PCDH11X: variants seen among roughly 807,000 people sequenced by gnomAD.
PCDH11X encodes the protein protocadherin-11 X-linked.
A neutral mutation model predicts 53.3 loss-of-function variants in PCDH11X; 18 were observed. The observed-to-expected ratio is 0.34, with a 90% CI of 0.23 to 0.50. The LOEUF is 0.50. Among genes scored for constraint, PCDH11X ranks in the 20% least tolerant of loss-of-function variants. The pLI is 0.98. For synonymous variants in PCDH11X, 279 were observed against 393.3 expected (o/e 0.71, Z 3.44); for missense variants, 570 against 1,032.4 (o/e 0.55, Z 6.14).
chrX:92,360,499 T>C (rs1365289668), intron 8 of PCDH11X, among the ~76,000 whole-genome samples: 1 of 110,028 alleles, frequency 9.1e-6, no homozygotes, highest in Admixed American at 9.8e-5. Flanking sequence ...ACTCAAATGA[T>C]CAATTATAAT....
intron 1 of PCDH11X, among the ~76,000 whole-genome samples, chrX:91,787,539 G>A (rs1424307612): frequency 9.1e-6 from 1 of 110,179 alleles, no homozygotes; most frequent in Non-Finnish European, 1.9e-5. Context: ...CACCTCCCTG[G>A]ACTTCAATTT....
chrX:92,607,814 G>A (rs1175302774), intron 10 of PCDH11X, among the ~76,000 whole-genome samples: 3 of 111,486 alleles, frequency 2.7e-5, no homozygotes, highest in Non-Finnish European at 5.7e-5. Context: ...TTGTTTGAAA[G>A]TAAAGTTATA....
At chrX:91,920,195 G>C (rs1671010410) in intron 6 of PCDH11X, among the ~76,000 whole-genome samples, 1 of 111,265 alleles carries the variant, frequency 9.0e-6, no homozygotes, top group African/African-American at 3.3e-5. Context: ...TTTCTCCAGA[G>C]CATGTTAGAG....
At chrX:92,590,108 C>T (rs1569508010) in intron 10 of PCDH11X, among the ~76,000 whole-genome samples, 2 of 108,630 alleles carry the variant, frequency 1.8e-5, no homozygotes, top group African/African-American at 6.7e-5. Context: ...ACAGCTATGA[C>T]CCTCTATGAT....
intron 10 of PCDH11X, among the ~76,000 whole-genome samples, chrX:92,484,181 GTA>G (rs1174166341): frequency 5.3e-4 from 12 of 22,822 alleles, no homozygotes; most frequent in African/African-American, 7.4e-4. Flanking sequence ...ATATATGTAT[GTA>G]TATATATGTA....
intron 9 of PCDH11X, among the ~76,000 whole-genome samples, chrX:92,399,889 T>C (rs1292253991): frequency 1.0e-5 from 1 of 98,523 alleles, no homozygotes; most frequent in African/African-American, 3.7e-5. Context: ...CTACAGGCAC[T>C]GGCCACCACG....
At chrX:92,514,923 T>C (rs1482143100) in intron 10 of PCDH11X, among the ~76,000 whole-genome samples, 2 of 104,048 alleles carry the variant, frequency 1.9e-5, no homozygotes, top group East Asian at 3.1e-4. Context: ...GGCGGGTGCC[T>C]GTAGTCCCAG....
intron 6 of PCDH11X, among the ~76,000 whole-genome samples, chrX:92,079,248 C>T (rs890924352): frequency 2.7e-5 from 3 of 111,581 alleles, no homozygotes; most frequent in African/African-American, 6.5e-5. Flanking sequence ...TTGCAAATGC[C>T]GCTACTCTCT....
chrX:91,938,076 G>A (rs771174203), intron 6 of PCDH11X, among the ~76,000 whole-genome samples: 1,600 of 110,980 alleles, frequency 0.014, 39 homozygotes, highest in African/African-American at 0.05. Flanking sequence ...TAATAGCCAT[G>A]AATAAATATT....
At chrX:92,084,473 G>A (rs1453154893) in intron 6 of PCDH11X, among the ~76,000 whole-genome samples, 1 of 106,302 alleles carries the variant, frequency 9.4e-6, no homozygotes, top group Non-Finnish European at 1.9e-5. Context: ...CTTGAACCCG[G>A]GAAGCAGAGG....
At chrX:92,125,895 G>A (rs910677318) in intron 6 of PCDH11X, among the ~76,000 whole-genome samples, 1 of 110,508 alleles carries the variant, frequency 9.0e-6, no homozygotes, top group African/African-American at 3.3e-5. Flanking sequence ...GGGAGGCCGA[G>A]GCAGGTGGAT....
At chrX:91,824,026 G>T (rs6522475) in intron 4 of PCDH11X, among the ~76,000 whole-genome samples, 13,206 of 110,777 alleles carry the variant, frequency 0.12, 1,944 homozygotes, top group African/African-American at 0.41. Flanking sequence ...GGCTTGTAGG[G>T]TTTCTGCCGA....
rs375816341 is a variant in PCDH11X, at chrX:92,413,834, G to T, written c.3343+25901G>T. On this transcript the variant is annotated intron_variant, in intron 9 of 10. Transcript: ENST00000682573. Reference sequence around the variant, plus strand: ...AATATTTATGAAAGAAGAAATATGTGTATGTACAACTGAGCTTTATGCCTC... The same window carrying T: ...AATATTTATGAAAGAAGAAATATGTTTATGTACAACTGAGCTTTATGCCTC... Among the ~76,000 whole-genome samples, 4 of 107,279 alleles carry T rather than the reference G, an allele frequency of 3.7e-5. No homozygotes were observed. In the East Asian group the frequency reaches 1.2e-3, roughly 33 times the overall value. 93.2% of individuals were successfully genotyped at this position (107,279 alleles called of 115,157 possible).
chrX:91,799,005 T>C (rs1381834260), intron 1 of PCDH11X, among the ~76,000 whole-genome samples: 1 of 111,306 alleles, frequency 9.0e-6, no homozygotes, highest in Admixed American at 9.6e-5. Flanking sequence ...AATGAAGACT[T>C]AGGTCACATT....
At chrX:92,099,108 G>A (rs974136590) in intron 6 of PCDH11X, among the ~76,000 whole-genome samples, 1 of 111,072 alleles carries the variant, frequency 9.0e-6, no homozygotes, top group Non-Finnish European at 1.9e-5. Flanking sequence ...CTGCTCTCCT[G>A]TCTTAATCAT....
chrX:92,379,623 G>A (rs1447355856), intron 8 of PCDH11X, among the ~76,000 whole-genome samples: 6 of 110,393 alleles, frequency 5.4e-5, no homozygotes, highest in African/African-American at 2.0e-4. Context: ...GGTCAGAGAA[G>A]GCCTGAAGCC....
At chrX:91,980,956 T>TATATATATATATATATACACTGA (rs1354050077) in intron 6 of PCDH11X, among the ~76,000 whole-genome samples, 8 of 79,040 alleles carry the variant, frequency 1.0e-4, no homozygotes, top group South Asian at 5.6e-4. Context: ...TTTATATATG[T>TATATATATATATATATACACTGA]ATATATATAT....
chrX:92,245,495 C>T lies in PCDH11X; in HGVS notation c.3115-17619C>T, dbSNP rs1603228596. On this transcript the variant is annotated intron_variant, in intron 7 of 10. Transcript: ENST00000682573. ...GCCAGACTATTTTGACATCACTATA[C>T]TCTTGTCTCTGTTCCCTTAAGGAGA... Among the ~76,000 whole-genome samples the T allele has an allele frequency of 3.5e-5, 4 of 112,720 alleles. No individual in the cohort carries two copies. The Admixed American group carries it at 3.8e-4, about 11-fold the overall frequency.
At position 92,468,012 on chromosome X, in the gene PCDH11X, C is replaced by T. The variant is rs3818209; in HGVS notation, c.3344-287C>T. ...GAAAATCTACTGAGTTACTGCAAAA[C>T]GTTACGTTTAATAACACATTTCCTT... On this transcript the variant is annotated intron_variant, in intron 9 of 10. Coordinates refer to ENST00000682573, the MANE Select transcript of PCDH11X (RefSeq NM_032968.5). 1.1e-3 allele frequency among the ~76,000 whole-genome samples: 122 copies of T among 111,513 alleles called. 2 individuals are homozygous for T. The highest frequency in any genetic ancestry group is 3.9e-3 in the African/African-American group (121 of 30,840).
Sources: gnomAD v4.1 joint callset for allele counts (sites outside exome capture counted in the v4.1 genomes callset) on GRCh38, gnomAD v4.1.1 for gene constraint, MANE v1.5 for transcripts, NCBI Gene and HGNC (gene_info 2026-07-23, HGNC 2026-07-21) for gene names.